Variants in GATAD2A observed in about 807,000 individuals in gnomAD.
GATAD2A encodes transcriptional repressor p66-alpha.
In GATAD2A, 12 loss-of-function variants were observed where a neutral mutation model predicts 68.5. The ratio of observed to expected loss-of-function variants is 0.18; its 90% CI spans 0.11 to 0.28. The LOEUF is 0.28. Among genes scored for constraint, GATAD2A ranks in the 10% least tolerant of loss-of-function variants. The pLI is 1.00. For synonymous variants in GATAD2A, 410 were observed against 375.3 expected, an observed-to-expected ratio of 1.09 and a Z score of -1.07; for missense variants, 755 against 868.5, an observed-to-expected ratio of 0.87 and a Z score of 1.64.
chr19:19,408,150 C>T (rs1209880777), intron 1 of GATAD2A, among the ~76,000 whole-genome samples: 1 of 152,132 alleles, frequency 6.6e-6, no homozygotes, highest in Non-Finnish European at 1.5e-5. Flanking sequence ...CCATGCCCGG[C>T]TAAGTTTTGT....
intron 1 of GATAD2A, chr19:19,464,860 AGT>A (rs373298342): frequency 6.8e-4 from 125 of 183,726 alleles, no homozygotes; most frequent in African/African-American, 2.7e-3. Context: ...GGTTAACTCG[AGT>A]CACCACAGCA....
At chr19:19,413,196 T>A (rs2051169539) in intron 1 of GATAD2A, among the ~76,000 whole-genome samples, 1 of 152,218 alleles carries the variant, frequency 6.6e-6, no homozygotes. Context: ...TTCTCTTGTG[T>A]GTTTAGCACA....
At chr19:19,499,386 C>G (rs1359691499) in intron 8 of GATAD2A, among the ~76,000 whole-genome samples, 1 of 152,154 alleles carries the variant, frequency 6.6e-6, no homozygotes. Context: ...GCTGAGTCCT[C>G]TCCTGGTGAC....
At chr19:19,397,787 C>T (rs1245803286) in intron 1 of GATAD2A, among the ~76,000 whole-genome samples, 2 of 152,160 alleles carry the variant, frequency 1.3e-5, no homozygotes, top group African/African-American at 4.8e-5. Flanking sequence ...GGCTGGAGTA[C>T]ACTGGCATTA....
chr19:19,459,148 G>A (rs1270873689), intron 1 of GATAD2A, among the ~76,000 whole-genome samples: 1 of 152,112 alleles, frequency 6.6e-6, no homozygotes, highest in Non-Finnish European at 1.5e-5. Flanking sequence ...AGGTGGGGCT[G>A]TTGTTTTATC....
Position 19,506,542 on chromosome 19 carries a change from A to G in GATAD2A, c.*1068A>G, listed in dbSNP as rs2060875489. ...CGGCGAGCCGCTGCGCACAGATGTC[A>G]GGATTTCCGTTTGGGTCTAGTTTAG... is the stretch of plus-strand genomic sequence containing the variant. On this transcript the variant is annotated 3_prime_UTR_variant, in exon 12 of 12. Coordinates refer to ENST00000683918, the MANE Select transcript of GATAD2A (RefSeq NM_001384528.1). The G allele has an allele frequency of 5.9e-6, 1 of 168,900 alleles. No individual in the cohort carries two copies. Among genetic ancestry groups the G allele is most frequent in the Non-Finnish European group, 1.2e-5 (1 of 80,740 alleles). 10.5% of individuals were successfully genotyped at this position (168,900 alleles called of 1,614,324 possible).
At chr19:19,396,684 G>GT (rs1234816743) in intron 1 of GATAD2A, among the ~76,000 whole-genome samples, 2 of 152,028 alleles carry the variant, frequency 1.3e-5, no homozygotes, top group African/African-American at 4.8e-5. Context: ...TGCGCGACCT[G>GT]TTTGTTAGGT....
rs778441150 is a variant in GATAD2A at position 19,465,413 on chromosome 19, A to G, written c.68A>G (p.Asp23Gly). Residue 23 changes from aspartate (D) to glycine (G), a missense_variant, in exon 2 of 12, where the codon GAT (aspartate) becomes GGT (glycine). Coordinates refer to ENST00000683918, the MANE Select transcript of GATAD2A (RefSeq NM_001384528.1). ...RALERDPTEDDVESKKIKMER... is the reference protein window; with the variant it reads ...RALERDPTEDGVESKKIKMER... ...CTTGAACGGGACCCAACAGAGGACG[A>G]TGTGGAGAGCAAGAAAATAAAAATG... 4.3e-6 allele frequency: 7 copies of G among 1,613,768 alleles called. No individual in the cohort carries two copies. Among genetic ancestry groups the G allele is most frequent in the Non-Finnish European group, 5.9e-6 (7 of 1,179,732 alleles).
chr19:19,427,118 G>A (rs937516610), intron 1 of GATAD2A, among the ~76,000 whole-genome samples: 1 of 151,612 alleles, frequency 6.6e-6, no homozygotes, highest in African/African-American at 2.4e-5. Flanking sequence ...AAGAAGGGGG[G>A]TTGCCAGGGG....
rs1360691949 is a variant in GATAD2A at position 19,465,532 on chromosome 19, G to A, written c.187G>A (p.Ala63Thr). 1.9e-6 allele frequency: 3 copies of A among 1,613,960 alleles called. No homozygotes were observed. Among genetic ancestry groups the A allele is most frequent in the East Asian group, 2.2e-5 (1 of 44,882 alleles). The stretch of plus-strand genomic sequence containing the variant: ...AGGTCCAACCCAAGGATTGCTGAGG[G>A]CAACAGAGGCCACGGCCATGGCCAT... ...GAGPTQGLLR[A>T]TEATAMAMGR... is the part of the protein sequence containing the mutation. The change falls in exon 2 of 12, where the codon GCA becomes ACA. Residue 63 changes from alanine to threonine, a missense_variant. Transcript: ENST00000683918.
At chr19:19,470,751 A>C (rs1180737399) in intron 2 of GATAD2A, among the ~76,000 whole-genome samples, 2 of 147,118 alleles carry the variant, frequency 1.4e-5, no homozygotes, top group Non-Finnish European at 3.0e-5. Context: ...GCTGTAAAAA[A>C]CAAAAAAAAA....
intron 1 of GATAD2A, among the ~76,000 whole-genome samples, chr19:19,437,107 T>C (rs1447119218): frequency 2.0e-5 from 3 of 152,116 alleles, no homozygotes; most frequent in Non-Finnish European, 4.4e-5. Flanking sequence ...CCAAACAAAA[T>C]GAAACTTTCG....
At position 19,409,685 on chromosome 19, in the gene GATAD2A, C is replaced by T. The variant is rs118056794; in HGVS notation, c.-7+3666C>T. On this transcript the variant is annotated intron_variant, in intron 1 of 11. Transcript: ENST00000683918. ...ATAAGAAGGTTGAGATAAAAAAAGA[C>T]GGATCTTGAAGTGGTTGGTGGTTGC... 3.4e-3 allele frequency among the ~76,000 whole-genome samples: 522 copies of T among 152,140 alleles called. 1 individual carries two copies. The highest frequency in any genetic ancestry group is 4.7e-3 in the Non-Finnish European group (320 of 67,990).
intron 1 of GATAD2A, among the ~76,000 whole-genome samples, chr19:19,421,970 C>T (rs1403555513): frequency 6.6e-6 from 1 of 152,054 alleles, no homozygotes; most frequent in Non-Finnish European, 1.5e-5. Context: ...TACAGGCTCC[C>T]ACCACCATGC....
chr19:19,505,331 T>C lies in GATAD2A; in HGVS notation c.1775-13T>C, dbSNP rs545832604. On this transcript the variant is annotated splice_polypyrimidine_tract_variant and intron_variant, in intron 11 of 11. Transcript: ENST00000683918. ...CGAGGGCCTTCTCAGCTGGTCGCTC[T>C]GTTCTGTTGCAGGCGGGACCCTTGC... 6.9e-5 allele frequency: 111 copies of C among 1,612,304 alleles called. No homozygotes were observed. The South Asian group carries it at 1.2e-3, about 17-fold the overall frequency.
intron 1 of GATAD2A, among the ~76,000 whole-genome samples, chr19:19,445,868 G>C (rs1347796952): frequency 6.6e-6 from 1 of 152,086 alleles, no homozygotes; most frequent in Non-Finnish European, 1.5e-5. Context: ...GGATAATGTT[G>C]CTTTTAACAT....
Position 19,501,985 on chromosome 19 carries a change from G to T in GATAD2A, c.1520G>T (p.Arg507Leu), listed in dbSNP as rs759435473. The T allele has an allele frequency of 6.2e-7, 1 of 1,613,828 alleles. No homozygotes were observed. ...TTTGTGTAGGTCATAAAACCCCGGC[G>T]TAAGTTGGCGTTCCGCTCAGGAGAG... ...PVLKQVIKPR[R>L]KLAFRSGEAR... Residue 507 changes from arginine (R) to leucine (L), a missense_variant, in exon 10 of 12, where the codon CGT becomes CTT. Transcript: ENST00000683918.
intron 1 of GATAD2A, among the ~76,000 whole-genome samples, chr19:19,452,158 G>A (rs1370382162): frequency 6.6e-6 from 1 of 152,216 alleles, no homozygotes; most frequent in African/African-American, 2.4e-5. Context: ...GGAGGTGTCT[G>A]TCTGCTGTCC....
rs145470991 is a variant in GATAD2A, at chr19:19,419,735, T to C, written c.-7+13716T>C. 5.3e-3 allele frequency among the ~76,000 whole-genome samples: 804 copies of C among 151,760 alleles called. 6 individuals are homozygous for C. The highest frequency in any genetic ancestry group is 0.041 in the South Asian group (198 of 4,788). ...TTTGCCATGTTGGCCAGGCTGGTCTTGAACTCCTGACCTCAGGTGATCCGC... is the reference window on the plus strand; with the variant it reads ...TTTGCCATGTTGGCCAGGCTGGTCTCGAACTCCTGACCTCAGGTGATCCGC... On this transcript the variant is annotated intron_variant, in intron 1 of 11. Coordinates refer to ENST00000683918, the MANE Select transcript of GATAD2A (RefSeq NM_001384528.1).
Sources: allele counts gnomAD v4.1 joint callset (sites outside exome capture counted in the v4.1 genomes callset), GRCh38; gene constraint gnomAD v4.1.1; transcripts MANE v1.5; gene names NCBI Gene and HGNC (gene_info 2026-07-23, HGNC 2026-07-21).